SPHKAP: variants seen among roughly 807,000 people sequenced by gnomAD.
SPHKAP encodes the protein SPHK1 interactor, AKAP domain containing, also known as A-kinase anchor protein SPHKAP.
SPHKAP carries 67 observed loss-of-function variants against 137.5 expected under a neutral mutation model. The observed-to-expected ratio is 0.49, with a 90% CI of 0.40 to 0.60. SPHKAP has a LOEUF of 0.60. SPHKAP is among the 20% of genes least tolerant of loss of function. The probability of loss-of-function intolerance (pLI) is 0.00; values close to 1 mark genes in which losing one functional copy is unlikely to be tolerated. For missense variants in SPHKAP, 2,097 were observed against 2,069.3 expected (o/e 1.01, Z -0.26); for synonymous variants, 813 against 785.3 (o/e 1.04, Z -0.59).
At chr2:228,052,548 G>A (rs1345353926) in intron 3 of SPHKAP, among the ~76,000 whole-genome samples, 1 of 152,070 alleles carries the variant, frequency 6.6e-6, no homozygotes, top group Non-Finnish European at 1.5e-5. Flanking sequence ...ATTGAATTTT[G>A]AGTAAAATAA....
rs1463854088 is a variant in SPHKAP at position 228,179,968 on chromosome 2, T to G, written c.32+1599A>C. ...ACCACCCAATTCACCGTTTCAATTC[T>G]AATGACCATTTGCCCTAGACAGTAG... is the stretch of plus-strand genomic sequence containing the variant. On this transcript the variant is annotated intron_variant, in intron 1 of 11. Transcript: ENST00000392056. Among the ~76,000 whole-genome samples the G allele has an allele frequency of 2.6e-5, 4 of 152,354 alleles. No individual in the cohort carries two copies. In the East Asian group the frequency reaches 7.7e-4, roughly 29 times the overall value.
At chr2:228,180,803 C>T (rs1296058700) in intron 1 of SPHKAP, among the ~76,000 whole-genome samples, 2 of 152,176 alleles carry the variant, frequency 1.3e-5, no homozygotes, top group Non-Finnish European at 2.9e-5. Flanking sequence ...TTCTTAATTT[C>T]GCAAAGGACT....
chr2:228,008,971 C>T (rs1694252646), intron 7 of SPHKAP, among the ~76,000 whole-genome samples: 1 of 152,110 alleles, frequency 6.6e-6, no homozygotes, highest in Non-Finnish European at 1.5e-5. Flanking sequence ...TTTTGGTCTC[C>T]ATACAAACTT....
At chr2:228,125,847 C>T (rs35983478) in intron 2 of SPHKAP, among the ~76,000 whole-genome samples, 13,947 of 152,004 alleles carry the variant, frequency 0.092, 816 homozygotes, top group Middle Eastern at 0.13. Context: ...GAGGCCGAGG[C>T]GGGTGGACCA....
intron 1 of SPHKAP, among the ~76,000 whole-genome samples, chr2:228,137,734 G>A (rs985536189): frequency 6.6e-6 from 1 of 152,142 alleles, no homozygotes; most frequent in Non-Finnish European, 1.5e-5. Context: ...AAGGAATTGA[G>A]ATGTTGTCAT....
chr2:228,068,072 A>G (rs762073555), intron 3 of SPHKAP, among the ~76,000 whole-genome samples: 18 of 152,224 alleles, frequency 1.2e-4, no homozygotes, highest in African/African-American at 1.7e-4. Flanking sequence ...TAGCAATTCT[A>G]TATGCCAACA....
chr2:228,091,089 C>A (rs1425880601), intron 3 of SPHKAP, among the ~76,000 whole-genome samples: 1 of 151,932 alleles, frequency 6.6e-6, no homozygotes, highest in Non-Finnish European at 1.5e-5. Context: ...AAGTAATATG[C>A]TATTATGTGG....
intron 3 of SPHKAP, among the ~76,000 whole-genome samples, chr2:228,060,811 A>C (rs926185333): frequency 9.2e-5 from 14 of 152,148 alleles, no homozygotes; most frequent in Admixed American, 7.9e-4. Context: ...TCCCCAGAGA[A>C]AGGGGGAGAG....
At chr2:228,045,724 C>T (rs181612899) in intron 3 of SPHKAP, among the ~76,000 whole-genome samples, 87 of 151,230 alleles carry the variant, frequency 5.8e-4, no homozygotes, top group East Asian at 2.5e-3. Flanking sequence ...ATTGTGCACA[C>T]GTACCCTAAA....
intron 11 of SPHKAP, among the ~76,000 whole-genome samples, chr2:227,987,938 C>G (rs1452109630): frequency 6.6e-6 from 1 of 152,158 alleles, no homozygotes; most frequent in Non-Finnish European, 1.5e-5. Flanking sequence ...ACCCTAGTGA[C>G]AGTGGGAAGA....
intron 3 of SPHKAP, among the ~76,000 whole-genome samples, chr2:228,045,005 C>G (rs962456521): frequency 1.3e-5 from 2 of 152,070 alleles, no homozygotes; most frequent in Admixed American, 6.6e-5. Flanking sequence ...AAATGCTCAT[C>G]ATCACTGGCC....
chr2:228,041,649 A>C (rs1695852723), intron 3 of SPHKAP, among the ~76,000 whole-genome samples: 1 of 88,110 alleles, frequency 1.1e-5, no homozygotes, highest in Non-Finnish European at 2.6e-5. Flanking sequence ...TCTGTCTCAA[A>C]AAAAAAAAAA....
At position 228,020,032 on chromosome 2, in the gene SPHKAP, G is replaced by C. The variant is rs1331082572; in HGVS notation, c.822C>G (p.Asn274Lys). Residue 274 changes from asparagine (N) to lysine (K), a missense_variant, in exon 7 of 12, where the codon AAC becomes AAG. Transcript: ENST00000392056. Reference protein sequence around the residue: ...WLYALEDKYINKYPTPLIKTE... With the variant: ...WLYALEDKYIKKYPTPLIKTE... ...TTTTAATCAATGGTGTGGGATATTT[G>C]TTGATGTATTTGTCTTCCAAAGCAT... The C allele has an allele frequency of 1.2e-6, 2 of 1,614,044 alleles. No individual in the cohort carries two copies. Among genetic ancestry groups the C allele is most frequent in the Non-Finnish European group, 1.7e-6 (2 of 1,180,028 alleles).
At chr2:228,180,540 C>T (rs897083482) in intron 1 of SPHKAP, among the ~76,000 whole-genome samples, 2 of 152,156 alleles carry the variant, frequency 1.3e-5, no homozygotes, top group African/African-American at 4.8e-5. Flanking sequence ...TACCTACCTA[C>T]CTGCTTGGGG....
In SPHKAP at chr2:228,108,397, G is replaced by T. The variant is rs546998684; in HGVS notation, c.246+435C>A. ...ACTGTTTATTTTTTTAGGTTGAAAAGTTTTTTTCAAGGTTTTCAAATAATG... is the reference window on the plus strand; with the variant it reads ...ACTGTTTATTTTTTTAGGTTGAAAATTTTTTTTCAAGGTTTTCAAATAATG... On this transcript the variant is annotated intron_variant, in intron 3 of 11. Transcript: ENST00000392056. Among the ~76,000 whole-genome samples, 16 of 152,052 alleles carry T rather than the reference G, an allele frequency of 1.1e-4. No homozygotes were observed. The East Asian group carries it at 3.1e-3, about 29-fold the overall frequency.
chr2:228,129,270 G>C (rs969267724), intron 2 of SPHKAP, among the ~76,000 whole-genome samples: 1 of 152,168 alleles, frequency 6.6e-6, no homozygotes, highest in East Asian at 1.9e-4. Flanking sequence ...GGTTCCAATG[G>C]ACTTGTTGGA....
chr2:228,023,343 A>G (rs1694910923), intron 5 of SPHKAP, among the ~76,000 whole-genome samples: 1 of 152,186 alleles, frequency 6.6e-6, no homozygotes, highest in African/African-American at 2.4e-5. Flanking sequence ...ACCTGCAGCC[A>G]TGGCATCACC....
At chr2:228,113,603 ATC>A (rs139499722) in intron 2 of SPHKAP, among the ~76,000 whole-genome samples, 16,190 of 97,402 alleles carry the variant, frequency 0.17, 1,469 homozygotes, top group Middle Eastern at 0.24. Context: ...GCATTTAGCC[ATC>A]TCTCTCTCTC....
intron 3 of SPHKAP, among the ~76,000 whole-genome samples, chr2:228,049,958 A>G (rs1342767860): frequency 6.6e-6 from 1 of 152,188 alleles, no homozygotes; most frequent in Non-Finnish European, 1.5e-5. Context: ...AAGGTCTGAT[A>G]TTCAATATCT....
Sources: allele counts gnomAD v4.1 joint callset (sites outside exome capture counted in the v4.1 genomes callset), GRCh38; gene constraint gnomAD v4.1.1; transcripts MANE v1.5; gene names NCBI Gene and HGNC (gene_info 2026-07-23, HGNC 2026-07-21).